Variants in TRDN observed in about 807,000 individuals in gnomAD.
The protein encoded by TRDN is triadin in skeletal muscle.
TRDN carries 161 observed loss-of-function variants against 149.7 expected under a neutral mutation model. That is an observed-to-expected ratio of 1.08 (90% CI 0.95 to 1.23). The LOEUF (loss-of-function observed/expected upper bound fraction) is 1.23, where lower values mean the gene tolerates loss of function less well. Ranked by LOEUF, TRDN falls within the 50% of genes most tolerant of loss-of-function variation. The pLI is 0.00. For missense variants in TRDN, 896 were observed against 823.5 expected (o/e 1.09, Z -1.08); for synonymous variants, 294 against 250.5 (o/e 1.17, Z -1.64).
At chr6:123,456,814 T>A (rs1289664937) in intron 10 of TRDN, 1 of 455,884 alleles carries the variant, frequency 2.2e-6, no homozygotes, top group African/African-American at 2.0e-5. Flanking sequence ...AAAATACACT[T>A]GGTCTTGAAG....
At chr6:123,433,489 C>T (rs1774427786) in intron 12 of TRDN, among the ~76,000 whole-genome samples, 1 of 151,882 alleles carries the variant, frequency 6.6e-6, no homozygotes, top group Non-Finnish European at 1.5e-5. Context: ...CAAAGCTTGG[C>T]ATATAGTAGG....
chr6:123,491,054 C>T (rs1375192987), intron 9 of TRDN, among the ~76,000 whole-genome samples: 3 of 150,654 alleles, frequency 2.0e-5, no homozygotes, highest in East Asian at 3.9e-4. Context: ...TGCAGTGAGC[C>T]GAGATGGCAC....
At chr6:123,254,841 T>C (rs1280989284) in intron 37 of TRDN, 3 of 355,816 alleles carry the variant, frequency 8.4e-6, no homozygotes, top group Non-Finnish European at 1.6e-5. Context: ...TCTTCTGATG[T>C]GTAACAGAAT....
intron 30 of TRDN, among the ~76,000 whole-genome samples, chr6:123,270,657 T>A (rs1239190353): frequency 6.6e-6 from 1 of 151,982 alleles, no homozygotes; most frequent in Non-Finnish European, 1.5e-5. Context: ...GTGTTTTTAC[T>A]TTAATATTTT....
intron 10 of TRDN, among the ~76,000 whole-genome samples, chr6:123,446,815 T>C (rs1775405731): frequency 6.6e-6 from 1 of 152,148 alleles, no homozygotes; most frequent in Admixed American, 6.5e-5. Context: ...AAACTTTGGC[T>C]GTTGCTAGGT....
chr6:123,303,000 C>T (rs533384105), intron 24 of TRDN, among the ~76,000 whole-genome samples: 1 of 152,094 alleles, frequency 6.6e-6, no homozygotes, highest in South Asian at 2.1e-4. Flanking sequence ...CATTATGTCA[C>T]ATTTAGATAT....
At chr6:123,268,136 C>T (rs1472043101) in intron 31 of TRDN, among the ~76,000 whole-genome samples, 1 of 151,954 alleles carries the variant, frequency 6.6e-6, no homozygotes. Flanking sequence ...TTATCAACTC[C>T]TCTTTTTTCC....
chr6:123,573,370 T>A (rs887556966), intron 1 of TRDN, among the ~76,000 whole-genome samples: 1 of 152,056 alleles, frequency 6.6e-6, no homozygotes, highest in Non-Finnish European at 1.5e-5. Flanking sequence ...AGCTATATCA[T>A]AATCATTATT....
At chr6:123,447,102 C>A (rs1221147103) in intron 10 of TRDN, among the ~76,000 whole-genome samples, 1 of 151,748 alleles carries the variant, frequency 6.6e-6, no homozygotes, top group Non-Finnish European at 1.5e-5. Context: ...GCTCTGAATC[C>A]ATTTTTTTTT....
intron 15 of TRDN, 131 bp downstream of exon 15, chr6:123,381,987 C>CTT: frequency 1.7e-6 from 1 of 604,096 alleles, no homozygotes; most frequent in Admixed American, 4.3e-5. Flanking sequence ...CTCTCTCTCT[C>CTT]TCAATCTCAA....
intron 24 of TRDN, among the ~76,000 whole-genome samples, chr6:123,289,155 A>G (rs1777910697): frequency 6.8e-6 from 1 of 147,482 alleles, no homozygotes; most frequent in African/African-American, 2.5e-5. Flanking sequence ...ATTATATATA[A>G]TATATACACA....
chr6:123,614,312 AAAC>A (rs1287092981), intron 1 of TRDN, among the ~76,000 whole-genome samples: 6,045 of 145,954 alleles, frequency 0.041, 488 homozygotes, highest in African/African-American at 0.15. Flanking sequence ...AAAAAAAAAA[AAAC>A]AAAAAAAACC....
At chr6:123,565,963 G>A (rs968545095) in intron 2 of TRDN, among the ~76,000 whole-genome samples, 2 of 152,094 alleles carry the variant, frequency 1.3e-5, no homozygotes, top group African/African-American at 4.8e-5. Flanking sequence ...TTTCCACCCT[G>A]ACTACTTTCC....
intron 20 of TRDN, among the ~76,000 whole-genome samples, chr6:123,356,176 G>T (rs1196734940): frequency 6.6e-6 from 1 of 151,540 alleles, no homozygotes; most frequent in African/African-American, 2.4e-5. Context: ...ACTGGTGATC[G>T]CAAACATCCT....
chr6:123,503,530 T>A, intron 8 of TRDN, 189 bp downstream of exon 8: 1 of 1,421,332 alleles, frequency 7.0e-7, no homozygotes, highest in Non-Finnish European at 9.1e-7. Flanking sequence ...GTGAACACAT[T>A]TTAGTATTTT....
chr6:123,399,563 T>C (rs1772876089), intron 12 of TRDN, among the ~76,000 whole-genome samples: 2 of 152,144 alleles, frequency 1.3e-5, no homozygotes, highest in Non-Finnish European at 2.9e-5. Flanking sequence ...TGCAATACCA[T>C]GGAAGATATG....
chr6:123,622,730 C>T (rs1158692830), intron 1 of TRDN, among the ~76,000 whole-genome samples: 1 of 152,076 alleles, frequency 6.6e-6, no homozygotes, highest in Non-Finnish European at 1.5e-5. Flanking sequence ...AGTTCTTGCG[C>T]ATTTTGGCCT....
chr6:123,636,523 G>C (rs562498807), intron 1 of TRDN, among the ~76,000 whole-genome samples: 14 of 152,026 alleles, frequency 9.2e-5, no homozygotes, highest in African/African-American at 3.4e-4. Context: ...TGGTATAGCA[G>C]AGAACAGTTT....
At chr6:123,557,818 T>C (rs187383692) in intron 2 of TRDN, among the ~76,000 whole-genome samples, 2 of 150,266 alleles carry the variant, frequency 1.3e-5, no homozygotes, top group Admixed American at 1.3e-4. Context: ...CCCCACCCCT[T>C]CTCTCCATGT....
Sources: gnomAD v4.1 joint callset for allele counts (sites outside exome capture counted in the v4.1 genomes callset) on GRCh38, gnomAD v4.1.1 for gene constraint, MANE v1.5 for transcripts, NCBI Gene and HGNC (gene_info 2026-07-23, HGNC 2026-07-21) for gene names.